DNM3: variants seen among roughly 807,000 people sequenced by gnomAD.
The protein encoded by DNM3 is dynamin 3, also known as dynamin-3.
DNM3 carries 47 observed loss-of-function variants against 101.6 expected under a neutral mutation model. That is an observed-to-expected ratio of 0.46 (90% CI 0.37 to 0.59). The LOEUF (loss-of-function observed/expected upper bound fraction) is 0.59. DNM3 is among the 20% of genes least tolerant of loss of function. DNM3 has a pLI of 0.00. For missense variants in DNM3, 849 were observed against 1,085.7 expected, an observed-to-expected ratio of 0.78 and a Z score of 3.06; for synonymous variants, 385 against 387.9, an observed-to-expected ratio of 0.99 and a Z score of 0.09.
intron 11 of DNM3, among the ~76,000 whole-genome samples, chr1:172,079,364 A>C (rs1248703300): frequency 6.6e-6 from 1 of 151,886 alleles, no homozygotes; most frequent in Non-Finnish European, 1.5e-5. Context: ...TTACTACATT[A>C]AGTTGATCTT....
intron 4 of DNM3, among the ~76,000 whole-genome samples, chr1:172,030,286 G>T (rs1225754022): frequency 1.3e-5 from 2 of 152,110 alleles, no homozygotes; most frequent in African/African-American, 4.8e-5. Context: ...TGACAAACCT[G>T]ACAAAAACAA....
rs114112619 is a variant in DNM3 at position 171,944,672 on chromosome 1, C to G, written c.235+22851C>G. Among the ~76,000 whole-genome samples the G allele has an allele frequency of 7.3e-3, 1,114 of 152,026 alleles. 7 individuals are homozygous for G. Among genetic ancestry groups the G allele is most frequent in the Non-Finnish European group, 0.011 (774 of 67,974 alleles). ...TACAGGTGTGAGCCACCATGCCCAG[C>G]CTCAATTCCTTACTTAAAATACAAT... On this transcript the variant is annotated intron_variant, in intron 2 of 20. Transcript: ENST00000627582.
chr1:172,387,794 A>G (rs1406835618), intron 19 of DNM3, among the ~76,000 whole-genome samples: 1 of 152,224 alleles, frequency 6.6e-6, no homozygotes, highest in Non-Finnish European at 1.5e-5. Context: ...ATTCAGGAGT[A>G]AGGATCAGAT....
chr1:172,343,390 A>T (rs1282619478), intron 17 of DNM3, among the ~76,000 whole-genome samples: 8 of 146,496 alleles, frequency 5.5e-5, no homozygotes, highest in East Asian at 2.0e-4. Context: ...AATCCACTTT[A>T]AAAAAAAAAA....
chr1:172,342,631 A>G (rs927684451), intron 17 of DNM3, among the ~76,000 whole-genome samples: 2 of 152,158 alleles, frequency 1.3e-5, no homozygotes, highest in Non-Finnish European at 2.9e-5. Flanking sequence ...GAGGAGAGAA[A>G]GGATCAGAAA....
At chr1:172,292,045 A>C (rs566010928) in intron 15 of DNM3, among the ~76,000 whole-genome samples, 20 of 152,358 alleles carry the variant, frequency 1.3e-4, no homozygotes, top group African/African-American at 4.8e-4. Flanking sequence ...ATATGCATTC[A>C]GTATAGGAGA....
chr1:171,850,878 G>C (rs10798706), intron 1 of DNM3, among the ~76,000 whole-genome samples: 91,037 of 151,436 alleles, frequency 0.6, 27,574 homozygotes, highest in East Asian at 0.8. Flanking sequence ...CAATGCTTTT[G>C]TGAGTGTCCA....
chr1:172,081,649 A>G (rs1480734550), intron 11 of DNM3, among the ~76,000 whole-genome samples, 183 bp from the exon 12 acceptor site: 1 of 152,230 alleles, frequency 6.6e-6, no homozygotes, highest in East Asian at 1.9e-4. Context: ...TAGATTTTTA[A>G]CTTATGAATT....
At chr1:172,389,677 G>T (rs2069411065) in intron 20 of DNM3, among the ~76,000 whole-genome samples, 2 of 152,134 alleles carry the variant, frequency 1.3e-5, no homozygotes, top group South Asian at 4.2e-4. Context: ...TCAATTCAGA[G>T]AATTAAAATA....
At chr1:171,924,859 A>T (rs6425491) in intron 2 of DNM3, among the ~76,000 whole-genome samples, 22,692 of 151,416 alleles carry the variant, frequency 0.15, 2,138 homozygotes, top group East Asian at 0.33. Flanking sequence ...GCTTTTATGT[A>T]TTCTTTTGAG....
intron 15 of DNM3, among the ~76,000 whole-genome samples, chr1:172,264,283 T>G (rs1430883935): frequency 6.6e-6 from 1 of 152,250 alleles, no homozygotes; most frequent in South Asian, 2.1e-4. Flanking sequence ...CATTCCTTTT[T>G]GTTTCCATAG....
Position 172,036,684 on chromosome 1 carries a change from T to TA in DNM3, c.850-1630dup, listed in dbSNP as rs1326435989. On this transcript the variant is annotated intron_variant, in intron 6 of 20. Transcript: ENST00000627582. The stretch of plus-strand genomic sequence containing the variant: ...GACTTAAACGTTAGACCTAAAACCA[T>TA]AAAAACCCTAGAAGAAAACCTAGAC... Among the ~76,000 whole-genome samples the TA allele has an allele frequency of 8.5e-5, 13 of 152,206 alleles. 1 individual carries two copies. Among genetic ancestry groups the TA allele is most frequent in the South Asian group, 2.1e-4 (1 of 4,820 alleles).
intron 2 of DNM3, among the ~76,000 whole-genome samples, chr1:171,947,787 A>G (rs952738126): frequency 6.6e-6 from 1 of 152,200 alleles, no homozygotes; most frequent in African/African-American, 2.4e-5. Context: ...TTGCAAGAGC[A>G]TCTGATAAGT....
chr1:172,118,225 G>A (rs1323400031), intron 13 of DNM3, among the ~76,000 whole-genome samples: 1 of 152,132 alleles, frequency 6.6e-6, no homozygotes, highest in Non-Finnish European at 1.5e-5. Context: ...ATGGTAGTGG[G>A]TTCTCTATGA....
In DNM3 at chr1:171,987,668, T is replaced by G. The variant is rs748391175; in HGVS notation, c.248T>G (p.Phe83Cys). 6.3e-7 allele frequency: 1 copy of G among 1,581,266 alleles called. No homozygotes were observed. Among genetic ancestry groups the G allele is most frequent in the Non-Finnish European group, 8.6e-7 (1 of 1,167,326 alleles). ...LVTSKAEYAEFLHCKGKKFTD... is the reference protein window; with the variant it reads ...LVTSKAEYAECLHCKGKKFTD... ...TTTATTTTTGTAGAATATGCCGAGT[T>G]TCTACATTGCAAAGGAAAGAAATTT... The change falls in exon 3 of 21, where the codon TTT (phenylalanine) becomes TGT (cysteine). Residue 83 changes from phenylalanine to cysteine, a missense_variant. Coordinates refer to ENST00000627582, the MANE Select transcript of DNM3 (RefSeq NM_015569.5).
At chr1:172,330,795 A>G (rs1294876685) in intron 17 of DNM3, among the ~76,000 whole-genome samples, 1 of 152,214 alleles carries the variant, frequency 6.6e-6, no homozygotes, top group African/African-American at 2.4e-5. Flanking sequence ...TATGTACCAT[A>G]AAAGAAATAG....
At chr1:172,156,440 G>T (rs1412344478) in intron 14 of DNM3, among the ~76,000 whole-genome samples, 1 of 151,952 alleles carries the variant, frequency 6.6e-6, no homozygotes, top group Non-Finnish European at 1.5e-5. Flanking sequence ...TCTTAGTTTT[G>T]AGTACCTAGA....
At chr1:172,076,733 G>A (rs1258054923) in intron 11 of DNM3, among the ~76,000 whole-genome samples, 1 of 152,120 alleles carries the variant, frequency 6.6e-6, no homozygotes, top group Admixed American at 6.5e-5. Context: ...TTTTATTGAG[G>A]ATTTTCACAT....
Position 172,408,015 on chromosome 1 carries a change from G to C in DNM3, c.*174G>C. On this transcript the variant is annotated 3_prime_UTR_variant, in exon 21 of 21. Transcript: ENST00000627582. Reference sequence around the variant, plus strand: ...ATTGCTCATGGTATGTCAAACCTTTGGGGTTTGACTCAGAAACTGCTAACC... The same window carrying C: ...ATTGCTCATGGTATGTCAAACCTTTCGGGTTTGACTCAGAAACTGCTAACC... 6.9e-7 allele frequency: 1 copy of C among 1,452,904 alleles called. No homozygotes were observed. Among genetic ancestry groups the C allele is most frequent in the Non-Finnish European group, 9.1e-7 (1 of 1,103,458 alleles). The allele number at this position is 1,452,904 out of a possible 1,614,324, so 90.0% of individuals were successfully genotyped here.
Sources: gnomAD v4.1 joint callset for allele counts (sites outside exome capture counted in the v4.1 genomes callset) on GRCh38, gnomAD v4.1.1 for gene constraint, MANE v1.5 for transcripts, NCBI Gene and HGNC (gene_info 2026-07-23, HGNC 2026-07-21) for gene names.